Variants in VCP observed in about 807,000 individuals in gnomAD.
VCP encodes the protein valosin containing protein.
VCP carries 6 observed loss-of-function variants against 85.7 expected under a neutral mutation model. The observed-to-expected ratio is 0.07, with a 90% confidence interval of 0.04 to 0.14. The LOEUF (loss-of-function observed/expected upper bound fraction) is 0.14, where lower values mean the gene tolerates loss of function less well. Ranked by LOEUF, VCP falls within the 10% of genes least tolerant of loss-of-function variation. VCP has a pLI of 1.00. For missense variants in VCP, 353 were observed against 1,043.4 expected, an observed-to-expected ratio of 0.34 and a Z score of 9.12; for synonymous variants, 384 against 367.1, an observed-to-expected ratio of 1.05 and a Z score of -0.53.
At chr9:35,063,114 A>G in intron 6 of VCP, 34 bp from the exon 7 acceptor site, 1 of 1,606,540 alleles carries the variant, frequency 6.2e-7, no homozygotes, top group South Asian at 1.1e-5. Flanking sequence ...TTAGGTTCCC[A>G]CCTTCTCCCA....
chr9:35,072,124 A>ACG (rs1828965336), intron 1 of VCP: 1 of 1,367,326 alleles, frequency 7.3e-7, no homozygotes. Flanking sequence ...CCCGGACCCA[A>ACG]CGCAAGCCCC....
chr9:35,071,993 C>T, intron 1 of VCP: 1 of 1,115,436 alleles, frequency 9.0e-7, no homozygotes, highest in South Asian at 2.7e-5. Flanking sequence ...CCCAAAGCCC[C>T]GGGGCGCCGC....
At position 35,062,987 on chromosome 9, in the gene VCP, A is replaced by T; in HGVS notation, c.802T>A (p.Leu268Met). ...GAACCAAATATCTCACCATTGATCAAGAAGAAGAAGGCTCCAGTCTCATTT... is the reference window on the plus strand; with the variant it reads ...GAACCAAATATCTCACCATTGATCATGAAGAAGAAGGCTCCAGTCTCATTT... ...VANETGAFFF[L>M]INGPEIMSKL... is the part of the protein sequence containing the mutation. The change falls in exon 7 of 17, where the codon TTG becomes ATG. Residue 268 changes from leucine (L) to methionine (M), a missense_variant. By Grantham distance (15) the Leu-to-Met change is conservative. Transcript: ENST00000358901. 1.2e-6 allele frequency: 2 copies of T among 1,605,898 alleles called. No individual in the cohort carries two copies.
chr9:35,067,788 C>T (rs1446422330), intron 3 of VCP, 103 bp downstream of exon 3: 4 of 1,477,604 alleles, frequency 2.7e-6, no homozygotes, highest in Admixed American at 3.6e-5. Context: ...CCTGCATCGA[C>T]AGGTGCCAAG....
In VCP at chr9:35,057,258, G is replaced by A. The variant is rs762469485; in HGVS notation, c.2316-36C>T. ...GAGCAAAGCCAAAAAAGAGGGTTAG[G>A]ACAGGGCCTGTGTAAGATTTCCACA... On this transcript the variant is annotated intron_variant, in intron 16 of 16. Coordinates refer to ENST00000358901, the MANE Select transcript of VCP (RefSeq NM_007126.5). 4.3e-6 allele frequency: 7 copies of A among 1,613,768 alleles called. No individual in the cohort carries two copies. In the Admixed American group the frequency reaches 1.0e-4, roughly 23 times the overall value.
At chr9:35,069,444 C>CTTTTTTT (rs35498216) in intron 1 of VCP, among the ~76,000 whole-genome samples, 28 of 96,098 alleles carry the variant, frequency 2.9e-4, no homozygotes, top group African/African-American at 4.2e-4. Flanking sequence ...CTCCCTCTCC[C>CTTTTTTT]TTTTTTTTTT....
At position 35,063,133 on chromosome 9, in the gene VCP, A is replaced by G. The variant is rs1328564018; in HGVS notation, c.709-53T>C. On this transcript the variant is annotated intron_variant, in intron 6 of 16. Transcript: ENST00000358901. Reference sequence around the variant, plus strand: ...GTTCCCACCTTCTCCCAAACCCTAAAATGGCTTGACTAGCGCTCCAGAGAG... The same window carrying G: ...GTTCCCACCTTCTCCCAAACCCTAAGATGGCTTGACTAGCGCTCCAGAGAG... The G allele has an allele frequency of 1.9e-6, 3 of 1,572,270 alleles. No individual in the cohort carries two copies. The African/African-American group carries it at 4.1e-5, about 21-fold the overall frequency.
chr9:35,060,274 C>G, intron 13 of VCP, 39 bp downstream of exon 13: 1 of 1,604,300 alleles, frequency 6.2e-7, no homozygotes, highest in Non-Finnish European at 8.5e-7. Context: ...TCCTTGCCCT[C>G]AGGCAAATCA....
intron 4 of VCP, 97 bp downstream of exon 4, chr9:35,066,578 G>T: frequency 7.5e-7 from 1 of 1,340,974 alleles, no homozygotes; most frequent in Non-Finnish European, 1.0e-6. Flanking sequence ...AAGCATAAAA[G>T]ATTTAAAAAA....
chr9:35,063,930 G>T (rs1274275020), intron 6 of VCP, among the ~76,000 whole-genome samples: 1 of 152,198 alleles, frequency 6.6e-6, no homozygotes, highest in Non-Finnish European at 1.5e-5. Context: ...TGTGTGTTTT[G>T]TGCGCACACG....
chr9:35,056,153 T>C lies in VCP; in HGVS notation c.*964A>G, dbSNP rs918808070. On this transcript the variant is annotated 3_prime_UTR_variant, in exon 17 of 17. Coordinates refer to ENST00000358901, the MANE Select transcript of VCP (RefSeq NM_007126.5). ...GTAAGTGATCACCAACCAGGGGATGTTTGGGATTTTTAGATGCATTAAAAG... is the reference window on the plus strand; with the variant it reads ...GTAAGTGATCACCAACCAGGGGATGCTTGGGATTTTTAGATGCATTAAAAG... 1.3e-5 allele frequency: 2 copies of C among 152,012 alleles called. No homozygotes were observed. Among genetic ancestry groups the C allele is most frequent in the African/African-American group, 4.8e-5 (2 of 41,394 alleles). The allele number at this position is 152,012 out of a possible 1,614,324, so 9.4% of individuals were successfully genotyped here.
intron 3 of VCP, 36 bp downstream of exon 3, chr9:35,067,855 C>T (rs1250119933): frequency 2.5e-6 from 4 of 1,613,332 alleles, no homozygotes; most frequent in Admixed American, 1.7e-5. Flanking sequence ...TATCTCTGGC[C>T]TCCCATCCCT....
At position 35,059,989 on chromosome 9, in the gene VCP, A is replaced by C; in HGVS notation, c.1696-188T>G. Reference sequence around the variant, plus strand: ...CTCTACAAAAAATAAAAAATTAGCCAGATGTGGTGACGCATGCCTATAGTC... The same window carrying C: ...CTCTACAAAAAATAAAAAATTAGCCCGATGTGGTGACGCATGCCTATAGTC... On this transcript the variant is annotated intron_variant, in intron 13 of 16. Coordinates refer to ENST00000358901, the MANE Select transcript of VCP (RefSeq NM_007126.5). This position sits in a 1 kb window ranked among gnomAD's most constrained non-coding sequence, Gnocchi z 4.9. 2.7e-6 allele frequency: 2 copies of C among 750,458 alleles called. No individual in the cohort carries two copies. The highest frequency in any genetic ancestry group is 4.3e-6 in the Non-Finnish European group (2 of 468,152). The allele number at this position is 750,458 out of a possible 1,614,324, so 46.5% of individuals were successfully genotyped here. A position where few individuals can be genotyped will look rare whatever the true frequency, so the allele number is the denominator to read the frequency against.
intron 9 of VCP, 54 bp downstream of exon 9, chr9:35,061,949 G>A: frequency 6.2e-7 from 1 of 1,613,682 alleles, no homozygotes; most frequent in South Asian, 1.1e-5. Flanking sequence ...CTTAGATGAA[G>A]GAGAGAAGTA....
At chr9:35,069,537 C>T (rs1293537653) in intron 1 of VCP, among the ~76,000 whole-genome samples, 2 of 151,110 alleles carry the variant, frequency 1.3e-5, no homozygotes, top group Non-Finnish European at 2.9e-5. Flanking sequence ...ACTGCAACCT[C>T]CACCTCCCGG....
chr9:35,056,075 CAA>C lies in VCP; in HGVS notation c.*1040_*1041del, dbSNP rs1479390252. The C allele has an allele frequency of 4.7e-5, 7 of 147,998 alleles. No homozygotes were observed. In the South Asian group the frequency reaches 1.3e-3, roughly 27 times the overall value. 9.2% of individuals were successfully genotyped at this position (147,998 alleles called of 1,614,324 possible). A position where few individuals can be genotyped will look rare whatever the true frequency, so the allele number is the denominator to read the frequency against. The stretch of plus-strand genomic sequence containing the variant: ...ATTCAATACTAAAATTTTATATTAA[CAA>C]AAAGTTTTTTTTTTTTAATCAAAGT... On this transcript the variant is annotated 3_prime_UTR_variant, in exon 17 of 17. Transcript: ENST00000358901.
intron 1 of VCP, chr9:35,071,750 T>C (rs1828949854): frequency 1.7e-5 from 17 of 989,742 alleles, no homozygotes; most frequent in Non-Finnish European, 2.0e-5. Flanking sequence ...ACACAGAGGA[T>C]GCCCACCTCC....
rs990167676 is a variant in VCP at position 35,064,387 on chromosome 9, C to T, written c.577-102G>A. 29 of 1,496,932 alleles carry T rather than the reference C, an allele frequency of 1.9e-5. No individual in the cohort carries two copies. The East Asian group carries it at 3.7e-4, about 19-fold the overall frequency. 92.7% of individuals were successfully genotyped at this position (1,496,932 alleles called of 1,614,324 possible). ...CACTACCTAGTGTGCAAAAACCTAC[C>T]GTATAAGAAGATTCTCAACCCGGCA... On this transcript the variant is annotated intron_variant, in intron 5 of 16. Coordinates refer to ENST00000358901, the MANE Select transcript of VCP (RefSeq NM_007126.5).
chr9:35,071,997 G>A, intron 1 of VCP: 1 of 1,121,348 alleles, frequency 8.9e-7, no homozygotes, highest in Non-Finnish European at 1.1e-6. Flanking sequence ...AAGCCCCGGG[G>A]CGCCGCGCCG....
Sources: gnomAD v4.1 joint callset for allele counts (sites outside exome capture counted in the v4.1 genomes callset) on GRCh38, gnomAD v4.1.1 for gene constraint, Gnocchi (gnomAD v3.1) non-coding constraint, MANE v1.5 for transcripts, NCBI Gene and HGNC (gene_info 2026-07-23, HGNC 2026-07-21) for gene names.